CDK13: variants seen among roughly 807,000 people sequenced by gnomAD.
CDK13 encodes cyclin-dependent kinase 13.
In CDK13, 40 loss-of-function variants were observed where a neutral mutation model predicts 137.6. The observed-to-expected ratio is 0.29, with a 90% CI of 0.23 to 0.38. The LOEUF is 0.38. Ranked by LOEUF, CDK13 falls within the 10% of genes least tolerant of loss-of-function variation. The pLI is 1.00. For synonymous variants in CDK13, 869 were observed against 760.1 expected (o/e 1.14, Z -2.36); for missense variants, 1,704 against 1,951.8 (o/e 0.87, Z 2.39).
At chr7:40,060,780 T>TATA (rs1786124736) in intron 7 of CDK13, 1 of 152,002 alleles carries the variant, frequency 6.6e-6, no homozygotes, top group Non-Finnish European at 1.5e-5. Context: ...TAAAAGGGGA[T>TATA]AAGGCAGCTG....
intron 12 of CDK13, 41 bp downstream of exon 12, chr7:40,088,372 T>C: frequency 6.7e-7 from 1 of 1,490,186 alleles, no homozygotes; most frequent in South Asian, 1.1e-5. Flanking sequence ...TCACATTGTT[T>C]TGCAGTTAAT....
intron 4 of CDK13, among the ~76,000 whole-genome samples, chr7:40,000,268 C>T (rs1038479015): frequency 1.5e-4 from 23 of 152,028 alleles, no homozygotes; most frequent in African/African-American, 3.6e-4. Flanking sequence ...CCCAGCTACT[C>T]GGGAGGCTTG....
At chr7:40,062,447 G>A (rs955724517) in intron 7 of CDK13, 1 of 168,108 alleles carries the variant, frequency 5.9e-6, no homozygotes, top group African/African-American at 2.4e-5. Context: ...CACCACGCCT[G>A]GTTAATTTTT....
intron 9 of CDK13, among the ~76,000 whole-genome samples, chr7:40,074,245 A>G (rs1362321146): frequency 4.6e-5 from 7 of 152,084 alleles, no homozygotes; most frequent in Non-Finnish European, 7.4e-5. Flanking sequence ...GGCATGGGCC[A>G]GGTGCGGTGG....
intron 5 of CDK13, among the ~76,000 whole-genome samples, chr7:40,013,589 A>G (rs140678471): frequency 1.7e-4 from 26 of 152,288 alleles, no homozygotes; most frequent in Admixed American, 1.2e-3. Flanking sequence ...TAGATTGGTG[A>G]TTGCCAGAGA....
chr7:40,029,777 C>T (rs6972196), intron 5 of CDK13, among the ~76,000 whole-genome samples: 4,910 of 152,178 alleles, frequency 0.032, 268 homozygotes, highest in African/African-American at 0.11. Flanking sequence ...CTCAGCCTCC[C>T]GCGTAGCTGG....
intron 5 of CDK13, among the ~76,000 whole-genome samples, chr7:40,038,048 T>C (rs1785522826): frequency 6.6e-6 from 1 of 152,196 alleles, no homozygotes; most frequent in African/African-American, 2.4e-5. Flanking sequence ...AACATTTACT[T>C]GGTTTCAAAC....
At chr7:40,002,057 A>T in intron 5 of CDK13, 26 bp downstream of exon 5, 1 of 1,521,736 alleles carries the variant, frequency 6.6e-7, no homozygotes, top group Non-Finnish European at 8.8e-7. Context: ...TAAATAACGA[A>T]TTTTTTGTAT....
chr7:40,048,107 A>G, intron 7 of CDK13: 1 of 356,946 alleles, frequency 2.8e-6, no homozygotes, highest in East Asian at 4.1e-5. Flanking sequence ...TGATTTTTTT[A>G]AATGAACATC....
intron 3 of CDK13, 113 bp downstream of exon 3, chr7:39,997,777 A>G: frequency 2.7e-6 from 2 of 742,544 alleles, no homozygotes; most frequent in South Asian, 2.0e-5. Flanking sequence ...TTATTCTTTC[A>G]ACTTAAATAT....
At position 39,951,260 on chromosome 7, in the gene CDK13, G is replaced by C. The variant is rs1229871055; in HGVS notation, c.619G>C (p.Gly207Arg). The change falls in exon 1 of 14, where the codon GGC becomes CGC. Residue 207 changes from glycine to arginine, a missense_variant. Around this residue, in one of 5 missense-constraint regions of CDK13, gnomAD observed 1,051 missense variants for 931.0 expected, o/e 1.13. Coordinates refer to ENST00000181839, the MANE Select transcript of CDK13 (RefSeq NM_003718.5). ...RPRRDRRSSS[G>R]RSKERHREHR... ...CCGCCGGGACCGCCGCAGCAGCAGT[G>C]GCCGCAGCAAGGAGCGCCACCGCGA... 7.5e-7 allele frequency: 1 copy of C among 1,329,608 alleles called. No individual in the cohort carries two copies. Among genetic ancestry groups the C allele is most frequent in the Non-Finnish European group, 9.6e-7 (1 of 1,046,498 alleles). 82.4% of individuals were successfully genotyped at this position (1,329,608 alleles called of 1,614,324 possible).
At chr7:40,081,862 T>C in intron 11 of CDK13, among the ~76,000 whole-genome samples, 1 of 152,158 alleles carries the variant, frequency 6.6e-6, no homozygotes, top group East Asian at 1.9e-4. Context: ...TCCGCCTGCC[T>C]TGGCCTCCCA....
At chr7:39,957,812 G>A (rs1383173281) in intron 1 of CDK13, among the ~76,000 whole-genome samples, 1 of 152,126 alleles carries the variant, frequency 6.6e-6, no homozygotes, top group African/African-American at 2.4e-5. Context: ...TCCCAACTCT[G>A]AAAAATTGTA....
intron 9 of CDK13, among the ~76,000 whole-genome samples, chr7:40,077,494 T>C (rs1786570713): frequency 6.6e-6 from 1 of 152,252 alleles, no homozygotes; most frequent in Non-Finnish European, 1.5e-5. Flanking sequence ...ATTGGAATGC[T>C]TGGATTGTTA....
chr7:39,950,617 C>T lies in CDK13; in HGVS notation c.-25C>T, dbSNP rs1029742495. The T allele has an allele frequency of 2.3e-6, 3 of 1,290,398 alleles. No homozygotes were observed. The highest frequency in any genetic ancestry group is 3.0e-4 in the Middle Eastern group (1 of 3,384). The allele number at this position is 1,290,398 out of a possible 1,614,324, so 79.9% of individuals were successfully genotyped here. A position where few individuals can be genotyped will look rare whatever the true frequency, so the allele number is the denominator to read the frequency against. On this transcript the variant is annotated 5_prime_UTR_variant, in exon 1 of 14. Coordinates refer to ENST00000181839, the MANE Select transcript of CDK13 (RefSeq NM_003718.5). Reference sequence around the variant, plus strand: ...ACCCGGGAGGAGGCCGCACCCGCGCCGCGCTCTGCGGCTGGCTCTAGGCGA... The same window carrying T: ...ACCCGGGAGGAGGCCGCACCCGCGCTGCGCTCTGCGGCTGGCTCTAGGCGA...
chr7:40,025,967 T>C (rs1785234556), intron 5 of CDK13, among the ~76,000 whole-genome samples: 1 of 152,210 alleles, frequency 6.6e-6, no homozygotes, highest in Non-Finnish European at 1.5e-5. Flanking sequence ...CTGTGTGAAG[T>C]AGTGGATAAG....
intron 5 of CDK13, among the ~76,000 whole-genome samples, chr7:40,014,452 CTT>C (rs70996871): frequency 3.8e-4 from 45 of 118,662 alleles, no homozygotes; most frequent in South Asian, 1.7e-3. Context: ...ATTTCTCTCT[CTT>C]TTTTTTTTTT....
At chr7:40,077,476 C>T (rs1369412722) in intron 9 of CDK13, among the ~76,000 whole-genome samples, 4 of 152,158 alleles carry the variant, frequency 2.6e-5, no homozygotes, top group Non-Finnish European at 5.9e-5. Context: ...AATGAAAGTC[C>T]TCTAAGAATT....
At chr7:39,958,475 C>G (rs368738364) in intron 1 of CDK13, among the ~76,000 whole-genome samples, 2 of 152,264 alleles carry the variant, frequency 1.3e-5, no homozygotes, top group East Asian at 1.9e-4. Context: ...ATGAGATGAT[C>G]ACTCATGACA....
Sources: gnomAD v4.1 joint callset for allele counts (sites outside exome capture counted in the v4.1 genomes callset) on GRCh38, gnomAD v4.1.1 for gene constraint, gnomAD v4.1.1 regional missense constraint, MANE v1.5 for transcripts, NCBI Gene and HGNC (gene_info 2026-07-23, HGNC 2026-07-21) for gene names.